DPP10: variants seen among roughly 807,000 people sequenced by gnomAD.
DPP10 encodes inactive dipeptidyl peptidase 10.
DPP10 carries 33 observed loss-of-function variants against 120.9 expected under a neutral mutation model. That is an observed-to-expected ratio of 0.27 (90% CI 0.21 to 0.37). DPP10 has a LOEUF of 0.37. Among genes scored for constraint, DPP10 ranks in the 10% least tolerant of loss-of-function variants. The pLI is 1.00. For missense variants in DPP10, 816 were observed against 942.8 expected (o/e 0.87, Z 1.76); for synonymous variants, 337 against 326.1 (o/e 1.03, Z -0.36).
intron 1 of DPP10, among the ~76,000 whole-genome samples, chr2:115,175,555 T>C (rs2053632451): frequency 6.6e-6 from 1 of 152,186 alleles, no homozygotes; most frequent in Non-Finnish European, 1.5e-5. Flanking sequence ...AGTACTTCTG[T>C]GCAGTGTAAA....
intron 5 of DPP10, among the ~76,000 whole-genome samples, chr2:115,670,835 A>C (rs2089817841): frequency 6.6e-6 from 1 of 152,122 alleles, no homozygotes. Flanking sequence ...AGTTAGATTA[A>C]AAGGCATCTC....
chr2:114,616,140 A>G (rs1693657630), intron 1 of DPP10, among the ~76,000 whole-genome samples: 1 of 152,142 alleles, frequency 6.6e-6, no homozygotes, highest in Non-Finnish European at 1.5e-5. Flanking sequence ...GAAAATTACC[A>G]CAGTAGACTG....
At chr2:115,753,640 T>G (rs1309166263) in intron 11 of DPP10, among the ~76,000 whole-genome samples, 1 of 152,206 alleles carries the variant, frequency 6.6e-6, no homozygotes, top group African/African-American at 2.4e-5. Flanking sequence ...TATAAGAAGT[T>G]TCTTTCCTAT....
In DPP10 at chr2:115,771,326, A is replaced by G. The variant is rs1681444410; in HGVS notation, c.1221+2922A>G. Among the ~76,000 whole-genome samples, 8 of 152,036 alleles carry G rather than the reference A, an allele frequency of 5.3e-5. No individual in the cohort carries two copies. In the South Asian group the frequency reaches 1.7e-3, roughly 32 times the overall value. On this transcript the variant is annotated intron_variant, in intron 13 of 25. Transcript: ENST00000410059. ...TGACATCAGGTGATCCACCTGCTTCAGCCTCCCAAACTGCTGGGATTACAG... is the reference window on the plus strand; with the variant it reads ...TGACATCAGGTGATCCACCTGCTTCGGCCTCCCAAACTGCTGGGATTACAG...
At chr2:114,534,907 G>T (rs1467226935) in intron 1 of DPP10, among the ~76,000 whole-genome samples, 1 of 152,092 alleles carries the variant, frequency 6.6e-6, no homozygotes, top group African/African-American at 2.4e-5. Flanking sequence ...CCCTTCTGGG[G>T]CCCCTTGAGG....
At chr2:115,378,517 C>G (rs1282182086) in intron 3 of DPP10, among the ~76,000 whole-genome samples, 1 of 151,674 alleles carries the variant, frequency 6.6e-6, no homozygotes, top group East Asian at 1.9e-4. Context: ...ATTTGACTTC[C>G]TCTTTTCCTA....
At chr2:115,090,735 T>C (rs144790061) in intron 1 of DPP10, among the ~76,000 whole-genome samples, 1 of 152,172 alleles carries the variant, frequency 6.6e-6, no homozygotes, top group East Asian at 1.9e-4. Flanking sequence ...AGAGTATTTA[T>C]TGGTGAGAGA....
chr2:115,513,831 C>T (rs1272170347), intron 4 of DPP10, among the ~76,000 whole-genome samples: 1 of 151,952 alleles, frequency 6.6e-6, no homozygotes, highest in Non-Finnish European at 1.5e-5. Flanking sequence ...TTCATAATAA[C>T]TGTGTGGATA....
intron 1 of DPP10, among the ~76,000 whole-genome samples, chr2:115,183,977 G>T (rs897500588): frequency 6.6e-6 from 1 of 152,128 alleles, no homozygotes; most frequent in South Asian, 2.1e-4. Flanking sequence ...AGGAGGAGAG[G>T]TGCACAAGCC....
At chr2:114,917,786 C>G (rs188052266) in intron 1 of DPP10, among the ~76,000 whole-genome samples, 4 of 152,146 alleles carry the variant, frequency 2.6e-5, no homozygotes, top group Admixed American at 2.0e-4. Flanking sequence ...CTCTTCCTTT[C>G]CCCACATACA....
rs2070479778 is a variant in DPP10 at position 115,426,576 on chromosome 2, C to G, written c.272-72934C>G. Among the ~76,000 whole-genome samples, 8 of 132,738 alleles carry G rather than the reference C, an allele frequency of 6.0e-5. No homozygotes were observed. In the Admixed American group the frequency reaches 6.1e-4, roughly 10 times the overall value. The allele number at this position is 132,738 out of a possible 152,430, so 87.1% of individuals were successfully genotyped here. ...TGACATTTCAACATGAGATTCTCAC[C>G]AGGTGCCACCTCTGACGCTGGAGAT... On this transcript the variant is annotated intron_variant, in intron 3 of 25. Transcript: ENST00000410059.
intron 1 of DPP10, among the ~76,000 whole-genome samples, chr2:114,771,647 C>T (rs906489521): frequency 5.3e-5 from 8 of 152,174 alleles, no homozygotes; most frequent in African/African-American, 1.7e-4. Context: ...CCGTCTTAGC[C>T]GGGAGGAAAC....
rs78116780 is a variant in DPP10 at position 115,403,381 on chromosome 2, C to CT, written c.271+59505dup. ...TACTTCTCTCTTTCTTTCTTTCCTTCTTTTTTTTTTTTTTTTTTTTTTTTT... is the reference window on the plus strand; with the variant it reads ...TACTTCTCTCTTTCTTTCTTTCCTTCTTTTTTTTTTTTTTTTTTTTTTTTTT... On this transcript the variant is annotated intron_variant, in intron 3 of 25. Transcript: ENST00000410059. Among the ~76,000 whole-genome samples, 726 of 118,232 alleles carry CT rather than the reference C, an allele frequency of 6.1e-3. 56 individuals carry two copies. Among genetic ancestry groups the CT allele is most frequent in the East Asian group, 0.011 (36 of 3,296 alleles). 77.6% of individuals were successfully genotyped at this position (118,232 alleles called of 152,430 possible). A position where few individuals can be genotyped will look rare whatever the true frequency, so the allele number is the denominator to read the frequency against.
chr2:115,141,379 C>T (rs1260398619), intron 1 of DPP10, among the ~76,000 whole-genome samples: 2 of 152,158 alleles, frequency 1.3e-5, no homozygotes, highest in African/African-American at 2.4e-5. Flanking sequence ...CACATATTAT[C>T]TTAATTGATC....
At chr2:115,783,993 A>G (rs4849426) in intron 17 of DPP10, among the ~76,000 whole-genome samples, 65,736 of 152,018 alleles carry the variant, frequency 0.43, 17,014 homozygotes, top group East Asian at 0.67. Context: ...GATGATTAAA[A>G]ATTTTCCAAT....
intron 1 of DPP10, among the ~76,000 whole-genome samples, chr2:115,300,395 G>A (rs1375734353): frequency 6.6e-6 from 1 of 151,998 alleles, no homozygotes; most frequent in East Asian, 1.9e-4. Context: ...TGTAGCAACT[G>A]TCGGGATTTC....
rs1488341043 is a variant in DPP10, at chr2:114,943,605, G to A, written c.61-365634G>A. Among the ~76,000 whole-genome samples the A allele has an allele frequency of 2.0e-5, 3 of 152,092 alleles. No individual in the cohort carries two copies. In the East Asian group the frequency reaches 5.8e-4, roughly 29 times the overall value. On this transcript the variant is annotated intron_variant, in intron 1 of 25. Transcript: ENST00000410059. ...CATTTTCTTTATCCAGTCTATCATT[G>A]ATGGTCATTTGGGTTGGTTCCAAGT... is the stretch of plus-strand genomic sequence containing the variant.
chr2:115,558,008 G>C (rs774128183), intron 5 of DPP10, among the ~76,000 whole-genome samples: 2 of 152,164 alleles, frequency 1.3e-5, no homozygotes, highest in Non-Finnish European at 2.9e-5. Flanking sequence ...ACTTGGACAA[G>C]TCAGGTAACG....
At chr2:115,339,750 A>G (rs1243396441) in intron 2 of DPP10, among the ~76,000 whole-genome samples, 5 of 152,176 alleles carry the variant, frequency 3.3e-5, no homozygotes, top group Non-Finnish European at 7.3e-5. Context: ...AGCATTCTTA[A>G]AATTACAAAA....
Sources: gnomAD v4.1 joint callset for allele counts (sites outside exome capture counted in the v4.1 genomes callset) on GRCh38, gnomAD v4.1.1 for gene constraint, MANE v1.5 for transcripts, NCBI Gene and HGNC (gene_info 2026-07-23, HGNC 2026-07-21) for gene names.